Variants in IKBKE observed in about 807,000 individuals in gnomAD.
IKBKE encodes inhibitor of nuclear factor kappa-B kinase subunit epsilon.
IKBKE carries 45 observed loss-of-function variants against 92.1 expected under a neutral mutation model. The observed-to-expected ratio is 0.49, with a 90% CI of 0.38 to 0.63. The LOEUF (loss-of-function observed/expected upper bound fraction) is 0.63, where lower values mean the gene tolerates loss of function less well. Among genes scored for constraint, IKBKE ranks in the 20% least tolerant of loss-of-function variants. IKBKE has a pLI of 0.00. For missense variants in IKBKE, 700 were observed against 932.8 expected (o/e 0.75, Z 3.25); for synonymous variants, 374 against 380.3 (o/e 0.98, Z 0.19).
At chr1:206,482,265 A>T (rs1665442993) in intron 13 of IKBKE, among the ~76,000 whole-genome samples, 1 of 152,116 alleles carries the variant, frequency 6.6e-6, no homozygotes, top group Non-Finnish European at 1.5e-5. Flanking sequence ...GGAGGTGAGG[A>T]GGGGAGGAAA....
chr1:206,479,679 G>C (rs1665266179), intron 10 of IKBKE, among the ~76,000 whole-genome samples, 191 bp from the exon 11 acceptor site: 2 of 152,218 alleles, frequency 1.3e-5, no homozygotes, highest in African/African-American at 4.8e-5. Context: ...CTCAAAAGTG[G>C]CCGCAAGGTG....
At chr1:206,486,658 C>T (rs114794398) in intron 15 of IKBKE, among the ~76,000 whole-genome samples, 1,750 of 139,978 alleles carry the variant, frequency 0.013, 16 homozygotes, top group Middle Eastern at 0.048. Flanking sequence ...GCTGCAGATC[C>T]CAGGCTCTGT....
chr1:206,491,428 C>T (rs1471704945), intron 17 of IKBKE: 7 of 472,632 alleles, frequency 1.5e-5, no homozygotes, highest in East Asian at 4.1e-5. Flanking sequence ...GTGTCTCCCA[C>T]GTCTCCCTGT....
At chr1:206,484,162 T>TGTA (rs1558479957) in intron 13 of IKBKE, among the ~76,000 whole-genome samples, 3 of 148,006 alleles carry the variant, frequency 2.0e-5, no homozygotes, top group African/African-American at 5.0e-5. Flanking sequence ...TGTATTGTAT[T>TGTA]ATTATTTTTG....
rs1218677667 is a variant in IKBKE, at chr1:206,490,726, C to T, written c.1694-93C>T. On this transcript the variant is annotated intron_variant, in intron 16 of 21. Transcript: ENST00000581977. This position sits in a 1 kb window ranked among gnomAD's most constrained non-coding sequence, Gnocchi z 5.2. ...TCCCGTGAAGCAGCACAGGCTGGGC[C>T]GTCTTCATCTTTTAACTGTCTCTCG... 8.5e-6 allele frequency: 11 copies of T among 1,300,992 alleles called. 1 individual carries two copies. Among genetic ancestry groups the T allele is most frequent in the South Asian group, 8.3e-5 (7 of 84,134 alleles). 80.6% of individuals were successfully genotyped at this position (1,300,992 alleles called of 1,614,324 possible).
At position 206,477,860 on chromosome 1, in the gene IKBKE, G is replaced by A; in HGVS notation, c.812+1G>A. 1.3e-6 allele frequency: 2 copies of A among 1,535,430 alleles called. No homozygotes were observed. Among genetic ancestry groups the A allele is most frequent in the Non-Finnish European group, 1.8e-6 (2 of 1,132,150 alleles). ...TCCCCATCACCTGCCAGCTGTCACT[G>A]TGAGTGGGACCCTGCTGGGGGGTGA... On this transcript the variant is annotated splice_donor_variant, in intron 8 of 21. Transcript: ENST00000581977. LOFTEE classifies it high-confidence loss of function.
chr1:206,494,079 T>G (rs1395949402), intron 21 of IKBKE, 88 bp downstream of exon 21: 6 of 1,124,424 alleles, frequency 5.3e-6, no homozygotes, highest in Non-Finnish European at 8.0e-6. Context: ...AGCCTGCCCA[T>G]GCAGGTTTGA....
In IKBKE at chr1:206,496,560, G is replaced by C; in HGVS notation, c.*415G>C. 1 of 256,652 alleles carries C rather than the reference G, an allele frequency of 3.9e-6. No individual in the cohort carries two copies. 15.9% of individuals were successfully genotyped at this position (256,652 alleles called of 1,614,324 possible). Reference sequence around the variant, plus strand: ...TCCTGGGGTTTCCCCAGGGCAGTAGGTCAAACGACCTCATCACAGTCTTCC... The same window carrying C: ...TCCTGGGGTTTCCCCAGGGCAGTAGCTCAAACGACCTCATCACAGTCTTCC... On this transcript the variant is annotated 3_prime_UTR_variant, in exon 22 of 22. Transcript: ENST00000581977.
intron 10 of IKBKE, 87 bp from the exon 11 acceptor site, chr1:206,479,775 TGGCAGTGA>T: frequency 7.8e-7 from 1 of 1,280,914 alleles, no homozygotes; most frequent in Non-Finnish European, 1.1e-6. Context: ...GGTGGGAGAT[TGGCAGTGA>T]GGGGTGAGTG....
At chr1:206,495,129 A>G (rs1666163915) in intron 21 of IKBKE, among the ~76,000 whole-genome samples, 1 of 151,994 alleles carries the variant, frequency 6.6e-6, no homozygotes, top group African/African-American at 2.4e-5. Context: ...ATACATGTAC[A>G]CACGTGCACG....
At chr1:206,480,994 T>C (rs1466949653) in intron 13 of IKBKE, among the ~76,000 whole-genome samples, 2 of 152,176 alleles carry the variant, frequency 1.3e-5, no homozygotes, top group African/African-American at 4.8e-5. Flanking sequence ...CTTCAACTTA[T>C]CCTTGCCTTC....
Position 206,477,744 on chromosome 1 carries a change from C to T in IKBKE, c.702-5C>T, listed in dbSNP as rs782786254. On this transcript the variant is annotated splice_region_variant and splice_polypyrimidine_tract_variant and intron_variant, in intron 7 of 21. Coordinates refer to ENST00000581977, the MANE Select transcript of IKBKE (RefSeq NM_014002.4). Reference sequence around the variant, plus strand: ...ATCCCGCTGACCTGGCCTTCCTCCCCGCAGGTACCGGATCACCACGGAGAA... The same window carrying T: ...ATCCCGCTGACCTGGCCTTCCTCCCTGCAGGTACCGGATCACCACGGAGAA... 17 of 1,543,802 alleles carry T rather than the reference C, an allele frequency of 1.1e-5. No individual in the cohort carries two copies. Among genetic ancestry groups the T allele is most frequent in the East Asian group, 2.4e-5 (1 of 41,154 alleles).
chr1:206,471,622 T>C (rs1285998707), intron 2 of IKBKE, among the ~76,000 whole-genome samples: 1 of 152,184 alleles, frequency 6.6e-6, no homozygotes, highest in Admixed American at 6.5e-5. Flanking sequence ...CCAGACCTGC[T>C]GGCTGCCTCC....
intron 17 of IKBKE, 151 bp downstream of exon 17, chr1:206,491,009 G>A: frequency 1.4e-6 from 1 of 718,312 alleles, no homozygotes; most frequent in South Asian, 1.5e-5. Flanking sequence ...CTGGGGCCAG[G>A]GGAGGGAGTA....
At chr1:206,484,505 G>A (rs1489809512) in intron 13 of IKBKE, among the ~76,000 whole-genome samples, 2 of 152,160 alleles carry the variant, frequency 1.3e-5, no homozygotes, top group Non-Finnish European at 2.9e-5. Flanking sequence ...AACCATCATT[G>A]CTTGTAAGGC....
chr1:206,491,669 C>T lies in IKBKE; in HGVS notation c.1755C>T (p.Ala585=). Residue 585 remains alanine (A), a synonymous_variant, in exon 18 of 22, where the codon GCC becomes GCT. Transcript: ENST00000581977. ...KLDKVNFSHL[A]KRLLQVFQEE... ...CTAGGGTGAATTTCAGTCATTTAGC[C>T]AAAAGACTCCTGCAGGTGTTCCAGG... is the stretch of plus-strand genomic sequence containing the variant. The T allele has an allele frequency of 6.2e-7, 1 of 1,613,074 alleles. No homozygotes were observed. The highest frequency in any genetic ancestry group is 8.5e-7 in the Non-Finnish European group (1 of 1,179,286).
In IKBKE at chr1:206,476,590, A is replaced by ACCG; in HGVS notation, c.541-86_541-85insGCC. 1 of 1,485,730 alleles carries ACCG rather than the reference A, an allele frequency of 6.7e-7. No homozygotes were observed. Among genetic ancestry groups the ACCG allele is most frequent in the Non-Finnish European group, 9.3e-7 (1 of 1,079,778 alleles). The allele number at this position is 1,485,730 out of a possible 1,614,324, so 92.0% of individuals were successfully genotyped here. On this transcript the variant is annotated intron_variant, in intron 6 of 21. Coordinates refer to ENST00000581977, the MANE Select transcript of IKBKE (RefSeq NM_014002.4). This position sits in a 1 kb window ranked among gnomAD's most constrained non-coding sequence, Gnocchi z 5.1. ...GAAGGATTTGAACAGTTCTGTTTTC[A>ACCG]CCTGCAGGCGGTGAAAGGGGGTCTG...
intron 21 of IKBKE, among the ~76,000 whole-genome samples, chr1:206,494,592 C>CTTTTTTTTTTTTTTTTTTT (rs58971788): frequency 1.6e-5 from 1 of 63,900 alleles, no homozygotes; most frequent in African/African-American, 5.7e-5. Context: ...AAAGTTCTTT[C>CTTTTTTTTTTTTTTTTTTT]TTTTTTTTTT....
chr1:206,474,214 G>A, intron 3 of IKBKE, 117 bp from the exon 4 acceptor site: 1 of 958,758 alleles, frequency 1.0e-6, no homozygotes, highest in Admixed American at 2.2e-5. Context: ...CTAATCTCTG[G>A]GGTTGGGCTG....
Sources: gnomAD v4.1 joint callset for allele counts (sites outside exome capture counted in the v4.1 genomes callset) on GRCh38, gnomAD v4.1.1 for gene constraint, Gnocchi (gnomAD v3.1) non-coding constraint, MANE v1.5 for transcripts, NCBI Gene and HGNC (gene_info 2026-07-23, HGNC 2026-07-21) for gene names.